Variants in RNF169 observed in about 807,000 individuals in gnomAD.
The protein encoded by RNF169 is ring finger protein 169.
Under a neutral mutation model 53.9 loss-of-function variants are expected in RNF169, and 24 were observed. The observed-to-expected ratio is 0.45, with a 90% CI of 0.32 to 0.63. The LOEUF is 0.63. RNF169 is among the 20% of genes least tolerant of loss of function. The probability of loss-of-function intolerance (pLI) is 0.04; values close to 1 mark genes in which losing one functional copy is unlikely to be tolerated. For synonymous variants in RNF169, 396 were observed against 363.5 expected (o/e 1.09, Z -1.02); for missense variants, 883 against 906.2 (o/e 0.97, Z 0.33).
At chr11:74,769,484 G>A (rs760803559) in intron 1 of RNF169, among the ~76,000 whole-genome samples, 11 of 152,180 alleles carry the variant, frequency 7.2e-5, no homozygotes, top group Non-Finnish European at 1.2e-4. Flanking sequence ...ATTAATAGGT[G>A]TGTGCCATAG....
At chr11:74,761,110 T>C (rs2035074173) in intron 1 of RNF169, among the ~76,000 whole-genome samples, 1 of 123,390 alleles carries the variant, frequency 8.1e-6, no homozygotes, top group African/African-American at 3.2e-5. Flanking sequence ...TAAAGTCTGT[T>C]TTATCCGAGA....
chr11:74,751,831 T>C (rs1208135368), intron 1 of RNF169, among the ~76,000 whole-genome samples: 1 of 152,180 alleles, frequency 6.6e-6, no homozygotes, highest in Admixed American at 6.5e-5. Flanking sequence ...TTAGCTTCAG[T>C]GGGTTGTCTG....
At chr11:74,799,223 A>G (rs2035694911) in intron 2 of RNF169, among the ~76,000 whole-genome samples, 1 of 152,006 alleles carries the variant, frequency 6.6e-6, no homozygotes, top group Non-Finnish European at 1.5e-5. Flanking sequence ...ATCTCATAGT[A>G]TATCTTTAAG....
chr11:74,769,982 G>A (rs1394170370), intron 1 of RNF169, among the ~76,000 whole-genome samples: 1 of 152,194 alleles, frequency 6.6e-6, no homozygotes, highest in East Asian at 1.9e-4. Context: ...GTACTATACA[G>A]GGTCTCACCA....
chr11:74,812,078 ATTAT>A (rs984392619), intron 3 of RNF169, among the ~76,000 whole-genome samples: 1 of 152,178 alleles, frequency 6.6e-6, no homozygotes, highest in Non-Finnish European at 1.5e-5. Context: ...AATTGCTCTA[ATTAT>A]TTTTGCATTT....
chr11:74,798,718 C>T (rs548945822), intron 2 of RNF169, among the ~76,000 whole-genome samples: 218 of 152,184 alleles, frequency 1.4e-3, no homozygotes, highest in African/African-American at 4.8e-3. Context: ...TTGGGCATCA[C>T]GGAACCTACT....
At chr11:74,809,191 TTTC>T (rs1398351581) in intron 2 of RNF169, among the ~76,000 whole-genome samples, 1 of 152,160 alleles carries the variant, frequency 6.6e-6, no homozygotes, top group Non-Finnish European at 1.5e-5. Context: ...GCTTAATTTT[TTTC>T]TTAAGAATAA....
intron 1 of RNF169, among the ~76,000 whole-genome samples, chr11:74,754,286 T>TA (rs2034946104): frequency 6.6e-6 from 1 of 152,214 alleles, no homozygotes; most frequent in East Asian, 1.9e-4. Context: ...CAGCCACACT[T>TA]AAGCATCATT....
chr11:74,830,366 A>C (rs1168027091), intron 4 of RNF169, among the ~76,000 whole-genome samples: 1 of 152,144 alleles, frequency 6.6e-6, no homozygotes. Context: ...AGAATTAAGA[A>C]GGATTATAGA....
At chr11:74,756,870 A>G (rs1025937743) in intron 1 of RNF169, among the ~76,000 whole-genome samples, 1 of 152,190 alleles carries the variant, frequency 6.6e-6, no homozygotes, top group South Asian at 2.1e-4. Flanking sequence ...TGAACTTTAG[A>G]GAGATCACTC....
At chr11:74,802,082 A>T (rs750553692) in intron 2 of RNF169, among the ~76,000 whole-genome samples, 1 of 152,208 alleles carries the variant, frequency 6.6e-6, no homozygotes, top group Non-Finnish European at 1.5e-5. Context: ...CTCCCAAATT[A>T]TTTCTTTAGT....
chr11:74,754,157 T>G (rs1304548338), intron 1 of RNF169, among the ~76,000 whole-genome samples: 2 of 152,216 alleles, frequency 1.3e-5, no homozygotes, highest in Non-Finnish European at 1.5e-5. Flanking sequence ...AATGAAATAT[T>G]AAAGATCTCT....
At chr11:74,783,884 G>A (rs2035452216) in intron 1 of RNF169, among the ~76,000 whole-genome samples, 1 of 152,100 alleles carries the variant, frequency 6.6e-6, no homozygotes, top group Admixed American at 6.5e-5. Context: ...TTAAAAATCT[G>A]GGAAACTGAA....
At chr11:74,773,720 G>A (rs1565173647) in intron 1 of RNF169, among the ~76,000 whole-genome samples, 2 of 152,212 alleles carry the variant, frequency 1.3e-5, no homozygotes, top group Admixed American at 1.3e-4. Flanking sequence ...AGGATTGGAA[G>A]TTAGTGGATC....
At chr11:74,811,556 T>C (rs1273396472) in intron 3 of RNF169, among the ~76,000 whole-genome samples, 1 of 152,138 alleles carries the variant, frequency 6.6e-6, no homozygotes. Context: ...TGCAAAGGTG[T>C]TTTTCCTGAA....
At chr11:74,768,711 C>G (rs2035213226) in intron 1 of RNF169, among the ~76,000 whole-genome samples, 1 of 150,850 alleles carries the variant, frequency 6.6e-6, no homozygotes, top group Non-Finnish European at 1.5e-5. Context: ...GGCTTTCAAA[C>G]AAACAAAAAA....
chr11:74,749,458 A>C, intron 1 of RNF169, 76 bp downstream of exon 1: 4 of 1,143,354 alleles, frequency 3.5e-6, no homozygotes, highest in Non-Finnish European at 4.3e-6. Context: ...GAGGGGGTGG[A>C]GAGTCCCGGG....
chr11:74,818,207 G>T (rs1449203193), intron 4 of RNF169, among the ~76,000 whole-genome samples: 1 of 152,194 alleles, frequency 6.6e-6, no homozygotes, highest in Non-Finnish European at 1.5e-5. Flanking sequence ...GAATTGGATA[G>T]ATGATGGGTG....
At chr11:74,761,489 T>A (rs2035081128) in intron 1 of RNF169, among the ~76,000 whole-genome samples, 1 of 150,040 alleles carries the variant, frequency 6.7e-6, no homozygotes, top group African/African-American at 2.4e-5. Context: ...CTTCAGGAGC[T>A]CTTTTAGGGC....
Sources: allele counts gnomAD v4.1 joint callset (sites outside exome capture counted in the v4.1 genomes callset), GRCh38; gene constraint gnomAD v4.1.1; transcripts MANE v1.5; gene names NCBI Gene and HGNC (gene_info 2026-07-23, HGNC 2026-07-21).